Variants in DCC observed in about 807,000 individuals in gnomAD.
The protein encoded by DCC is netrin receptor DCC.
A neutral mutation model predicts 172.5 loss-of-function variants in DCC; 58 were observed. The observed-to-expected ratio is 0.34, with a 90% CI of 0.27 to 0.42. The LOEUF is 0.42. Ranked by LOEUF, DCC falls within the 10% of genes least tolerant of loss-of-function variation. DCC has a pLI of 1.00. For missense variants in DCC, 1,740 were observed against 1,791.0 expected, an observed-to-expected ratio of 0.97 and a Z score of 0.51; for synonymous variants, 709 against 644.5, an observed-to-expected ratio of 1.10 and a Z score of -1.52.
chr18:52,767,086 T>G (rs2145158883), intron 2 of DCC, among the ~76,000 whole-genome samples: 1 of 151,796 alleles, frequency 6.6e-6, no homozygotes, highest in East Asian at 1.9e-4. Context: ...ATGCAAAGTT[T>G]GTTCTTCCCC....
chr18:52,400,663 T>A (rs1986400777), intron 1 of DCC, among the ~76,000 whole-genome samples: 1 of 152,126 alleles, frequency 6.6e-6, no homozygotes, highest in Non-Finnish European at 1.5e-5. Context: ...ATTGCAGCAC[T>A]GTTCACAATA....
At chr18:53,379,895 A>G (rs1480124335) in intron 15 of DCC, among the ~76,000 whole-genome samples, 1 of 152,236 alleles carries the variant, frequency 6.6e-6, no homozygotes, top group Non-Finnish European at 1.5e-5. Context: ...CTTCCAAATT[A>G]TTATTTGGAA....
chr18:53,185,114 G>C (rs1192508432), intron 9 of DCC, among the ~76,000 whole-genome samples: 1 of 152,120 alleles, frequency 6.6e-6, no homozygotes, highest in African/African-American at 2.4e-5. Context: ...TATTTTAAAA[G>C]TCTCTGGATG....
chr18:53,201,454 G>T (rs550320892), intron 9 of DCC, among the ~76,000 whole-genome samples: 1 of 152,274 alleles, frequency 6.6e-6, no homozygotes, highest in Admixed American at 6.5e-5. Flanking sequence ...AGGTCATTCA[G>T]TCTCAATGTT....
intron 1 of DCC, among the ~76,000 whole-genome samples, chr18:52,703,283 CT>C (rs150464323): frequency 0.013 from 1,937 of 152,304 alleles, 51 homozygotes; most frequent in African/African-American, 0.044. Flanking sequence ...CCTCTTCAAT[CT>C]TTCTTCTTTC....
chr18:53,203,484 G>T (rs559942626), intron 9 of DCC, among the ~76,000 whole-genome samples: 1 of 152,102 alleles, frequency 6.6e-6, no homozygotes, highest in Non-Finnish European at 1.5e-5. Context: ...CAGGACTGAT[G>T]GGAAATATGT....
In DCC at chr18:53,534,013, T is replaced by A. The variant is rs544201129; in HGVS notation, c.*3360T>A. On this transcript the variant is annotated 3_prime_UTR_variant, in exon 29 of 29. Transcript: ENST00000442544. ...AAAGAATCTCTTAAGTACAGGTATT[T>A]CTGGAAGCTGTTGGTGTCTGTGCTT... 6.6e-6 allele frequency: 1 copy of A among 152,338 alleles called. No individual in the cohort carries two copies. Among genetic ancestry groups the A allele is most frequent in the African/African-American group, 2.4e-5 (1 of 41,582 alleles). The allele number at this position is 152,338 out of a possible 1,614,324, so 9.4% of individuals were successfully genotyped here.
chr18:53,033,895 A>G (rs1254532930), intron 5 of DCC, among the ~76,000 whole-genome samples: 1 of 152,074 alleles, frequency 6.6e-6, no homozygotes, highest in Non-Finnish European at 1.5e-5. Flanking sequence ...GTTATTTCTC[A>G]GGCCCTAACT....
chr18:53,426,205 A>G (rs969882719), intron 21 of DCC, among the ~76,000 whole-genome samples: 2 of 148,912 alleles, frequency 1.3e-5, no homozygotes, highest in South Asian at 2.1e-4. Flanking sequence ...GGAGTAACCA[A>G]TGTGTTTCTT....
intron 2 of DCC, among the ~76,000 whole-genome samples, chr18:52,764,814 T>G (rs983319633): frequency 6.6e-6 from 1 of 152,230 alleles, no homozygotes; most frequent in Admixed American, 6.5e-5. Context: ...TTCTGCTGTC[T>G]GTAAAAAGAA....
At chr18:52,602,638 A>G (rs2034041076) in intron 1 of DCC, among the ~76,000 whole-genome samples, 1 of 152,066 alleles carries the variant, frequency 6.6e-6, no homozygotes, top group Admixed American at 6.6e-5. Flanking sequence ...AAGTTGTCTC[A>G]TGCTTACATT....
At chr18:52,458,962 A>G (rs532632420) in intron 1 of DCC, among the ~76,000 whole-genome samples, 1 of 152,134 alleles carries the variant, frequency 6.6e-6, no homozygotes, top group East Asian at 1.9e-4. Flanking sequence ...GGAAGTTCAA[A>G]CCTAACAACT....
chr18:52,811,960 A>G (rs1012405782), intron 2 of DCC, among the ~76,000 whole-genome samples: 1 of 152,228 alleles, frequency 6.6e-6, no homozygotes. Flanking sequence ...AAATAAGCAA[A>G]GCCAAATTTC....
At chr18:52,810,088 AAT>A (rs1049060053) in intron 2 of DCC, among the ~76,000 whole-genome samples, 1 of 151,850 alleles carries the variant, frequency 6.6e-6, no homozygotes, top group African/African-American at 2.4e-5. Context: ...CAAAAAAAAA[AAT>A]ATATTCTCAA....
At chr18:53,371,801 A>G (rs541435990) in intron 15 of DCC, among the ~76,000 whole-genome samples, 2 of 152,132 alleles carry the variant, frequency 1.3e-5, no homozygotes, top group South Asian at 4.1e-4. Context: ...AAAGTGGGCA[A>G]ATAATACGAA....
chr18:52,845,827 A>G (rs1355821821), intron 2 of DCC, among the ~76,000 whole-genome samples: 1 of 152,242 alleles, frequency 6.6e-6, no homozygotes, highest in Non-Finnish European at 1.5e-5. Flanking sequence ...TGAGAAGTCA[A>G]GTACAGACAT....
At chr18:52,917,782 G>C (rs1027484533) in intron 3 of DCC, among the ~76,000 whole-genome samples, 1 of 152,122 alleles carries the variant, frequency 6.6e-6, no homozygotes, top group African/African-American at 2.4e-5. Flanking sequence ...ATAACAAACA[G>C]ACCAGTTCAA....
intron 1 of DCC, among the ~76,000 whole-genome samples, chr18:52,603,922 T>G (rs1477110393): frequency 6.6e-6 from 1 of 152,164 alleles, no homozygotes; most frequent in East Asian, 1.9e-4. Context: ...ATCACTTTGT[T>G]TTCTTCTGAA....
At chr18:53,274,634 G>A (rs1455192369) in intron 12 of DCC, among the ~76,000 whole-genome samples, 1 of 152,062 alleles carries the variant, frequency 6.6e-6, no homozygotes, top group Non-Finnish European at 1.5e-5. Context: ...AGATTTTCAG[G>A]GAAATAAGGA....
Sources: allele counts gnomAD v4.1 joint callset (sites outside exome capture counted in the v4.1 genomes callset), GRCh38; gene constraint gnomAD v4.1.1; transcripts MANE v1.5; gene names NCBI Gene and HGNC (gene_info 2026-07-23, HGNC 2026-07-21).